The following KLHL4 variants were observed in gnomAD, a reference collection of about 807,000 sequenced individuals.
KLHL4 encodes kelch-like protein 4.
KLHL4 carries 17 observed loss-of-function variants against 45.8 expected under a neutral mutation model. The ratio of observed to expected loss-of-function variants is 0.37; its 90% CI spans 0.25 to 0.56. The LOEUF (loss-of-function observed/expected upper bound fraction) is 0.56. Among genes scored for constraint, KLHL4 ranks in the 20% least tolerant of loss-of-function variants. The pLI is 0.79. For synonymous variants in KLHL4, 224 were observed against 189.9 expected (o/e 1.18, Z -1.47); for missense variants, 544 against 544.9 (o/e 1.00, Z 0.02).
chrX:87,547,222 G>A (rs1220562590), intron 1 of KLHL4, among the ~76,000 whole-genome samples: 1 of 110,926 alleles, frequency 9.0e-6, no homozygotes, highest in Non-Finnish European at 1.9e-5. Context: ...GGTGGGAGGC[G>A]ATTTGATTAT....
At chrX:87,659,459 T>A (rs1035345694) in intron 9 of KLHL4, among the ~76,000 whole-genome samples, 2 of 111,625 alleles carry the variant, frequency 1.8e-5, no homozygotes, top group African/African-American at 6.5e-5. Context: ...TGCAATAATT[T>A]TAAATGACCT....
chrX:87,545,319 A>G (rs1319295140), intron 1 of KLHL4, among the ~76,000 whole-genome samples: 1 of 111,575 alleles, frequency 9.0e-6, no homozygotes, highest in African/African-American at 3.3e-5. Flanking sequence ...TCAAGTGTTG[A>G]AGGAGGGGCC....
intron 7 of KLHL4, among the ~76,000 whole-genome samples, chrX:87,633,000 G>T (rs1363341136): frequency 9.0e-6 from 1 of 111,356 alleles, no homozygotes; most frequent in East Asian, 2.8e-4. Context: ...AATTGACTCT[G>T]CCAAATAATA....
intron 9 of KLHL4, among the ~76,000 whole-genome samples, chrX:87,637,071 C>A: frequency 9.0e-6 from 1 of 111,250 alleles, no homozygotes; most frequent in East Asian, 2.8e-4. Context: ...AAAAATACAA[C>A]CAAGGACCCT....
At chrX:87,633,707 G>T (rs1923171895) in intron 7 of KLHL4, 42 bp from the exon 8 acceptor site, 2 of 1,059,969 alleles carry the variant, frequency 1.9e-6, no homozygotes, top group East Asian at 6.2e-5. Context: ...TTCAGTGTGT[G>T]GCATACCTAG....
chrX:87,552,572 CGTT>C (rs1264708164), intron 1 of KLHL4, among the ~76,000 whole-genome samples: 2 of 110,408 alleles, frequency 1.8e-5, no homozygotes, highest in African/African-American at 3.3e-5. Context: ...GAGGAAAAGA[CGTT>C]GTTATTCAAA....
chrX:87,667,654 A>C lies in KLHL4; in HGVS notation c.*1120A>C. ...AAAATGGCTAGTTGAATAGTATTTT[A>C]TGTGTAATTCTTCCATTTATTCTGT... On this transcript the variant is annotated 3_prime_UTR_variant, in exon 11 of 11. Transcript: ENST00000373119. 1.7e-6 allele frequency: 1 copy of C among 589,752 alleles called. No homozygotes were observed. Among genetic ancestry groups the C allele is most frequent in the Non-Finnish European group, 2.0e-6 (1 of 489,722 alleles). 48.6% of individuals were successfully genotyped at this position (589,752 alleles called of 1,213,427 possible).
chrX:87,544,045 C>G (rs1214343397), intron 1 of KLHL4, among the ~76,000 whole-genome samples: 2 of 110,905 alleles, frequency 1.8e-5, no homozygotes, highest in African/African-American at 3.3e-5. Context: ...GGACTTGACT[C>G]TTAGATCACA....
chrX:87,661,776 T>G (rs1308312637), intron 9 of KLHL4, among the ~76,000 whole-genome samples: 1 of 111,818 alleles, frequency 8.9e-6, no homozygotes, highest in Non-Finnish European at 1.9e-5. Context: ...AACGAGAACT[T>G]TACACATACT....
chrX:87,660,940 C>T (rs146494184), intron 9 of KLHL4, among the ~76,000 whole-genome samples: 57 of 112,285 alleles, frequency 5.1e-4, no homozygotes, highest in Middle Eastern at 4.7e-3. Flanking sequence ...TATGGAAAAC[C>T]CACGTTGTTT....
At chrX:87,648,957 A>T (rs1923722845) in intron 9 of KLHL4, among the ~76,000 whole-genome samples, 1 of 111,993 alleles carries the variant, frequency 8.9e-6, no homozygotes, top group Non-Finnish European at 1.9e-5. Flanking sequence ...CACTGAAGAA[A>T]ACCACATTAG....
chrX:87,631,673 A>AGCTAAAGG (rs1379581820), intron 6 of KLHL4, among the ~76,000 whole-genome samples: 1 of 111,847 alleles, frequency 8.9e-6, no homozygotes, highest in African/African-American at 3.3e-5. Context: ...CACGACACAC[A>AGCTAAAGG]GCTAAAGGCC....
intron 1 of KLHL4, among the ~76,000 whole-genome samples, chrX:87,546,063 CAACAA>C (rs959456167): frequency 1.4e-4 from 16 of 111,494 alleles, no homozygotes; most frequent in Admixed American, 2.9e-4. Context: ...AAACAAAAAA[CAACAA>C]AACAAAACAA....
At position 87,666,402 on chromosome X, in the gene KLHL4, A is replaced by T. The variant is rs371865134; in HGVS notation, c.2098-73A>T. Reference sequence around the variant, plus strand: ...ATTAAGTAAGGACTTCTTCAACTATATTGAATATAATATTTTATATTATGC... The same window carrying T: ...ATTAAGTAAGGACTTCTTCAACTATTTTGAATATAATATTTTATATTATGC... On this transcript the variant is annotated intron_variant, in intron 10 of 10. Coordinates refer to ENST00000373119, the MANE Select transcript of KLHL4 (RefSeq NM_019117.5). The T allele has an allele frequency of 2.9e-5, 29 of 990,034 alleles. 2 individuals are homozygous for T. Among genetic ancestry groups the T allele is most frequent in the African/African-American group, 2.0e-4 (10 of 50,807 alleles). 81.6% of individuals were successfully genotyped at this position (990,034 alleles called of 1,213,427 possible).
chrX:87,546,149 C>A (rs924060843), intron 1 of KLHL4, among the ~76,000 whole-genome samples: 12 of 112,065 alleles, frequency 1.1e-4, no homozygotes, highest in African/African-American at 3.9e-4. Flanking sequence ...AGGAGCCAAA[C>A]GTTAATCACC....
At chrX:87,590,602 A>C (rs935151597) in intron 1 of KLHL4, among the ~76,000 whole-genome samples, 6 of 111,901 alleles carry the variant, frequency 5.4e-5, no homozygotes, top group African/African-American at 1.9e-4. Flanking sequence ...TTACAAAGGG[A>C]TAGTAATTAA....
chrX:87,578,149 T>C (rs1388479324), intron 1 of KLHL4, among the ~76,000 whole-genome samples: 1 of 111,691 alleles, frequency 9.0e-6, no homozygotes, highest in African/African-American at 3.2e-5. Flanking sequence ...CTGATTAAAA[T>C]GTGCTGATAA....
chrX:87,547,250 G>T (rs1931703980), intron 1 of KLHL4, among the ~76,000 whole-genome samples: 1 of 110,655 alleles, frequency 9.0e-6, no homozygotes, highest in African/African-American at 3.3e-5. Flanking sequence ...TTTTTTCCAT[G>T]CTGTTCTTGT....
chrX:87,525,239 A>C (rs2147761745), intron 1 of KLHL4, among the ~76,000 whole-genome samples: 1 of 111,444 alleles, frequency 9.0e-6, no homozygotes, highest in Admixed American at 9.6e-5. Context: ...AGAAAAACTT[A>C]TTTTTTTATC....
Sources: allele counts gnomAD v4.1 joint callset (sites outside exome capture counted in the v4.1 genomes callset), GRCh38; gene constraint gnomAD v4.1.1; transcripts MANE v1.5; gene names NCBI Gene and HGNC (gene_info 2026-07-23, HGNC 2026-07-21).